NMD3: variants seen among roughly 807,000 people sequenced by gnomAD.
NMD3 encodes 60S ribosomal export protein NMD3.
A neutral mutation model predicts 73.1 loss-of-function variants in NMD3; 47 were observed. That is an observed-to-expected ratio of 0.64 (90% CI 0.51 to 0.82). The LOEUF (loss-of-function observed/expected upper bound fraction) is 0.82, where lower values mean the gene tolerates loss of function less well. NMD3 is among the 40% of genes least tolerant of loss of function. The pLI is 0.00. For synonymous variants in NMD3, 210 were observed against 194.5 expected, an observed-to-expected ratio of 1.08 and a Z score of -0.66; for missense variants, 554 against 612.5, an observed-to-expected ratio of 0.90 and a Z score of 1.01.
At chr3:161,247,829 C>G (rs912388492) in intron 13 of NMD3, among the ~76,000 whole-genome samples, 1 of 151,866 alleles carries the variant, frequency 6.6e-6, no homozygotes, top group Non-Finnish European at 1.5e-5. Context: ...CTTTATTGAC[C>G]AGGCTTGCGT....
intron 4 of NMD3, among the ~76,000 whole-genome samples, chr3:161,231,224 T>C (rs1459802879): frequency 6.6e-6 from 1 of 152,200 alleles, no homozygotes; most frequent in Non-Finnish European, 1.5e-5. Flanking sequence ...GATGAATGGA[T>C]TGTCCATTAT....
intron 1 of NMD3, 27 bp from the exon 2 acceptor site, chr3:161,221,956 CTCTTTTTTTTT>C: frequency 9.7e-7 from 1 of 1,029,932 alleles, no homozygotes; most frequent in Non-Finnish European, 1.4e-6. Flanking sequence ...TCCCAACATT[CTCTTTTTTTTT>C]TTTTTTTTTT....
Position 161,250,292 on chromosome 3 carries a change from T to C in NMD3, c.1347T>C (p.Asp449=). The part of the protein sequence containing the change: ...YQDFLEDLEE[D]EAIRKNVNIY... Reference sequence around the variant, plus strand: ...ATTTTCTTGAAGATCTTGAAGAAGATGAGGCAATTCGAAAAAATGTCAACA... The same window carrying C: ...ATTTTCTTGAAGATCTTGAAGAAGACGAGGCAATTCGAAAAAATGTCAACA... Residue 449 remains aspartate (D), a synonymous_variant, in exon 15 of 16, where the codon GAT becomes GAC. Transcript: ENST00000351193. 3 of 1,604,482 alleles carry C rather than the reference T, an allele frequency of 1.9e-6. No homozygotes were observed. The highest frequency in any genetic ancestry group is 2.6e-6 in the Non-Finnish European group (3 of 1,171,920).
chr3:161,226,201 C>T (rs1736308363), intron 3 of NMD3, among the ~76,000 whole-genome samples: 1 of 152,062 alleles, frequency 6.6e-6, no homozygotes, highest in Admixed American at 6.5e-5. Flanking sequence ...CGCCTGTAAT[C>T]CAAGCACTTG....
At chr3:161,224,896 C>A (rs956173509) in intron 2 of NMD3, 34 bp from the exon 3 acceptor site, 2 of 1,544,162 alleles carry the variant, frequency 1.3e-6, no homozygotes, top group Non-Finnish European at 1.7e-6. Context: ...TTTTAAAAAT[C>A]TAATGTGAAA....
intron 4 of NMD3, among the ~76,000 whole-genome samples, chr3:161,232,571 T>C (rs956495415): frequency 6.6e-6 from 1 of 152,240 alleles, no homozygotes; most frequent in African/African-American, 2.4e-5. Flanking sequence ...TACTGCCTAG[T>C]TGTCTAAGCA....
intron 13 of NMD3, among the ~76,000 whole-genome samples, chr3:161,248,729 G>A (rs146307318): frequency 3.4e-4 from 51 of 152,224 alleles, no homozygotes; most frequent in African/African-American, 1.2e-3. Context: ...ATGAGGTTAA[G>A]AATCATGAGA....
At chr3:161,246,880 C>G (rs974210383) in intron 12 of NMD3, among the ~76,000 whole-genome samples, 1 of 151,496 alleles carries the variant, frequency 6.6e-6, no homozygotes, top group Non-Finnish European at 1.5e-5. Flanking sequence ...ATTAAACCCT[C>G]AAATATTGCT....
At position 161,251,060 on chromosome 3, in the gene NMD3, C is replaced by A; in HGVS notation, c.*150C>A. The A allele has an allele frequency of 3.6e-6, 2 of 550,772 alleles. No homozygotes were observed. The highest frequency in any genetic ancestry group is 6.4e-6 in the Non-Finnish European group (2 of 312,038). 34.1% of individuals were successfully genotyped at this position (550,772 alleles called of 1,614,324 possible). ...TGTTTGTTTTCAGTGCTCACTCAAA[C>A]CACTAAAACAGATGGATAGCTTTGA... is the stretch of plus-strand genomic sequence containing the variant. On this transcript the variant is annotated 3_prime_UTR_variant, in exon 16 of 16. Coordinates refer to ENST00000351193, the MANE Select transcript of NMD3 (RefSeq NM_015938.5).
In NMD3 at chr3:161,233,354, C is replaced by T. The variant is rs746255537; in HGVS notation, c.277-45C>T. On this transcript the variant is annotated intron_variant, in intron 4 of 15. Transcript: ENST00000351193. Reference sequence around the variant, plus strand: ...TTTGTTCTTTCGTGTTTTTTTTCCTCCTAGGTGAGAACTTACGTTTCTTTT... The same window carrying T: ...TTTGTTCTTTCGTGTTTTTTTTCCTTCTAGGTGAGAACTTACGTTTCTTTT... The T allele has an allele frequency of 4.4e-6, 6 of 1,367,666 alleles. No homozygotes were observed. The East Asian group carries it at 9.2e-5, about 21-fold the overall frequency. 84.7% of individuals were successfully genotyped at this position (1,367,666 alleles called of 1,614,324 possible).
At chr3:161,238,388 T>A (rs114082148) in intron 8 of NMD3, among the ~76,000 whole-genome samples, 197 bp downstream of exon 8, 3,591 of 152,328 alleles carry the variant, frequency 0.024, 63 homozygotes, top group African/African-American at 0.025. Flanking sequence ...CGGGAAATTT[T>A]CATAGCTGGA....
chr3:161,226,078 G>A (rs899411839), intron 3 of NMD3, among the ~76,000 whole-genome samples: 1 of 152,042 alleles, frequency 6.6e-6, no homozygotes, highest in African/African-American at 2.4e-5. Context: ...ACTCTTAGCT[G>A]TTTATCATCT....
Position 161,250,965 on chromosome 3 carries a change from C to G in NMD3, c.*55C>G, listed in dbSNP as rs965367471. ...GGCTTAAGAAGTTGGACAGAGTTAC[C>G]TTAAGTGTCTCTACTATCTTTGCCT... On this transcript the variant is annotated 3_prime_UTR_variant, in exon 16 of 16. Transcript: ENST00000351193. The G allele has an allele frequency of 4.8e-6, 7 of 1,448,046 alleles. No individual in the cohort carries two copies. The highest frequency in any genetic ancestry group is 6.7e-6 in the Non-Finnish European group (7 of 1,047,018). The allele number at this position is 1,448,046 out of a possible 1,614,324, so 89.7% of individuals were successfully genotyped here.
rs549600925 is a variant in NMD3 at position 161,234,946 on chromosome 3, C to T, written c.486+91C>T. 905 of 1,321,390 alleles carry T rather than the reference C, an allele frequency of 6.8e-4. 19 individuals carry two copies. The South Asian group carries it at 0.01, about 15-fold the overall frequency. 81.9% of individuals were successfully genotyped at this position (1,321,390 alleles called of 1,614,324 possible). On this transcript the variant is annotated intron_variant, in intron 6 of 15. Coordinates refer to ENST00000351193, the MANE Select transcript of NMD3 (RefSeq NM_015938.5). ...CCTTCTTTCTAAATCCAGGGATAGTCTGGGTCCCTGAAGCATTCACCTTTG... is the reference window on the plus strand; with the variant it reads ...CCTTCTTTCTAAATCCAGGGATAGTTTGGGTCCCTGAAGCATTCACCTTTG...
At chr3:161,241,609 C>T (rs558235682) in intron 10 of NMD3, among the ~76,000 whole-genome samples, 74 of 151,900 alleles carry the variant, frequency 4.9e-4, no homozygotes, top group Non-Finnish European at 9.3e-4. Flanking sequence ...TTAGTAGAGA[C>T]GGGGTTTCAC....
chr3:161,242,210 G>T (rs150459551), intron 10 of NMD3, among the ~76,000 whole-genome samples: 1 of 152,042 alleles, frequency 6.6e-6, no homozygotes. Flanking sequence ...GTGCCAGCAC[G>T]TGAAACAGCT....
intron 4 of NMD3, among the ~76,000 whole-genome samples, chr3:161,228,270 T>C (rs182968115): frequency 6.6e-6 from 1 of 152,274 alleles, no homozygotes; most frequent in African/African-American, 2.4e-5. Flanking sequence ...ATTTCTGCCT[T>C]TATTTTCCTA....
In NMD3 at chr3:161,249,466, A is replaced by G. The variant is rs777229057; in HGVS notation, c.1216A>G (p.Lys406Glu). 17 of 1,601,016 alleles carry G rather than the reference A, an allele frequency of 1.1e-5. No individual in the cohort carries two copies. The highest frequency in any genetic ancestry group is 1.4e-5 in the Non-Finnish European group (16 of 1,174,236). Residue 406 changes from lysine (K) to glutamate (E), a missense_variant, in exon 14 of 16, where the codon AAG (lysine) becomes GAG (glutamate). Transcript: ENST00000351193. ...DRVPDVVLIKKSYDRTKRQRR... is the reference protein window; with the variant it reads ...DRVPDVVLIKESYDRTKRQRR... ...ATTTATCTTGCAGGTATTAATCAAG[A>G]AGAGCTATGACCGGACCAAACGTCA...
At chr3:161,243,830 A>G (rs1215091938) in intron 11 of NMD3, among the ~76,000 whole-genome samples, 2 of 149,398 alleles carry the variant, frequency 1.3e-5, no homozygotes, top group East Asian at 3.9e-4. Flanking sequence ...ACTTGTTAAC[A>G]TAGTGATAGT....
Sources: gnomAD v4.1 joint callset for allele counts (sites outside exome capture counted in the v4.1 genomes callset) on GRCh38, gnomAD v4.1.1 for gene constraint, MANE v1.5 for transcripts, NCBI Gene and HGNC (gene_info 2026-07-23, HGNC 2026-07-21) for gene names.